Variants in CNTN4 observed in about 807,000 individuals in gnomAD.
CNTN4 encodes the protein contactin 4.
In CNTN4, 77 loss-of-function variants were observed where a neutral mutation model predicts 122.5. That is an observed-to-expected ratio of 0.63 (90% CI 0.52 to 0.76). The LOEUF is 0.76. Among genes scored for constraint, CNTN4 ranks in the 30% least tolerant of loss-of-function variants. The pLI, the probability that CNTN4 is intolerant of heterozygous loss-of-function variation, is 0.00. For missense variants in CNTN4, 1,256 were observed against 1,259.1 expected, an observed-to-expected ratio of 1.00 and a Z score of 0.04; for synonymous variants, 512 against 447.0, an observed-to-expected ratio of 1.15 and a Z score of -1.83.
At chr3:3,054,202 A>G (rs1266563218) in intron 24 of CNTN4, among the ~76,000 whole-genome samples, 1 of 152,192 alleles carries the variant, frequency 6.6e-6, no homozygotes, top group Non-Finnish European at 1.5e-5. Flanking sequence ...AATCAGATTA[A>G]AGCAGACCCG....
rs2046811017 is a variant in CNTN4 at position 2,400,430 on chromosome 3, T to TATATATATATATATATATATATAC, written c.-89+61217_-89+61218insATACATATATATATATATATATAT. 3.1e-4 allele frequency among the ~76,000 whole-genome samples: 21 copies of TATATATATATATATATATATATAC among 68,550 alleles called. No homozygotes were observed. The South Asian group carries it at 8.1e-3, about 26-fold the overall frequency. 45.0% of individuals were successfully genotyped at this position (68,550 alleles called of 152,430 possible). Reference sequence around the variant, plus strand: ...ATATATATATATATATATATATACATATATATATATATATATATATCTCTT... The same window carrying TATATATATATATATATATATATAC: ...ATATATATATATATATATATATACATATATATATATATATATATATATACATATATATATATATATATATCTCTT... On this transcript the variant is annotated intron_variant, in intron 3 of 24. Transcript: ENST00000418658.
chr3:2,506,184 G>C (rs1179556132), intron 3 of CNTN4, among the ~76,000 whole-genome samples: 1 of 152,126 alleles, frequency 6.6e-6, no homozygotes, highest in East Asian at 1.9e-4. Flanking sequence ...AAGGTTAGCT[G>C]TGACTCCTGT....
chr3:2,965,614 G>T (rs1340298170), intron 13 of CNTN4, among the ~76,000 whole-genome samples: 1 of 152,160 alleles, frequency 6.6e-6, no homozygotes. Context: ...TATCTAAATT[G>T]ATTTTCCTCA....
At chr3:2,613,485 G>T (rs2081584535) in intron 4 of CNTN4, among the ~76,000 whole-genome samples, 1 of 152,022 alleles carries the variant, frequency 6.6e-6, no homozygotes, top group African/African-American at 2.4e-5. Flanking sequence ...GGTAGGTGCT[G>T]CAACATATTT....
intron 2 of CNTN4, among the ~76,000 whole-genome samples, chr3:2,189,936 C>T (rs902784816): frequency 1.3e-5 from 2 of 152,148 alleles, no homozygotes; most frequent in Non-Finnish European, 2.9e-5. Context: ...CATTGCTCCT[C>T]AAATCAGTTG....
intron 13 of CNTN4, among the ~76,000 whole-genome samples, chr3:2,951,420 A>C (rs2094742920): frequency 6.6e-6 from 1 of 152,204 alleles, no homozygotes; most frequent in Non-Finnish European, 1.5e-5. Context: ...ATCTGACAGA[A>C]GGCGGAGCAC....
intron 4 of CNTN4, among the ~76,000 whole-genome samples, chr3:2,730,303 T>C (rs907496618): frequency 1.3e-5 from 2 of 152,220 alleles, no homozygotes; most frequent in South Asian, 2.1e-4. Context: ...AAGTTTATAC[T>C]TTGAATCATC....
intron 4 of CNTN4, among the ~76,000 whole-genome samples, chr3:2,700,738 A>G (rs1009210163): frequency 5.3e-5 from 8 of 152,170 alleles, no homozygotes; most frequent in Non-Finnish European, 1.2e-4. Flanking sequence ...TCCCTACAGT[A>G]TAGGATATTC....
chr3:2,510,597 A>G (rs1209502519), intron 3 of CNTN4, among the ~76,000 whole-genome samples: 1 of 152,174 alleles, frequency 6.6e-6, no homozygotes, highest in African/African-American at 2.4e-5. Context: ...GGAATGTTTT[A>G]TATCCATAAC....
intron 3 of CNTN4, among the ~76,000 whole-genome samples, chr3:2,402,089 T>A (rs1469659108): frequency 6.6e-6 from 1 of 152,122 alleles, no homozygotes; most frequent in African/African-American, 2.4e-5. Context: ...ACGGGTTGGT[T>A]TGACAAACTG....
chr3:2,360,296 TAAAA>T (rs917185965), intron 3 of CNTN4, among the ~76,000 whole-genome samples: 1 of 151,326 alleles, frequency 6.6e-6, no homozygotes, highest in Admixed American at 6.6e-5. Flanking sequence ...TTTTTAGCAG[TAAAA>T]AAAAATATTT....
chr3:2,396,000 C>T (rs980747907), intron 3 of CNTN4, among the ~76,000 whole-genome samples: 31 of 151,754 alleles, frequency 2.0e-4, no homozygotes, highest in African/African-American at 6.8e-4. Context: ...CCATATAACA[C>T]ATGCATGGGA....
intron 7 of CNTN4, among the ~76,000 whole-genome samples, chr3:2,836,812 T>C (rs2093236289): frequency 6.6e-6 from 1 of 151,754 alleles, no homozygotes; most frequent in Admixed American, 6.6e-5. Flanking sequence ...AAATACGTAA[T>C]GTAGATGATG....
chr3:2,271,030 C>G (rs577267702), intron 2 of CNTN4, among the ~76,000 whole-genome samples: 159 of 152,184 alleles, frequency 1.0e-3, no homozygotes, highest in Non-Finnish European at 1.9e-3. Flanking sequence ...AACTTAGGGA[C>G]CTCTCTGCTT....
At chr3:2,624,241 G>T (rs2082096967) in intron 4 of CNTN4, among the ~76,000 whole-genome samples, 1 of 152,058 alleles carries the variant, frequency 6.6e-6, no homozygotes, top group South Asian at 2.1e-4. Flanking sequence ...AGCATTCATA[G>T]GTTTCACCAG....
At chr3:2,677,482 A>ATCTATCTATC (rs1414164953) in intron 4 of CNTN4, among the ~76,000 whole-genome samples, 1 of 120,940 alleles carries the variant, frequency 8.3e-6, no homozygotes, top group East Asian at 2.7e-4. Flanking sequence ...CTATCCATCT[A>ATCTATCTATC]TATCTATCTA....
chr3:2,497,859 G>T (rs1302046108), intron 3 of CNTN4, among the ~76,000 whole-genome samples: 1 of 151,868 alleles, frequency 6.6e-6, no homozygotes, highest in Non-Finnish European at 1.5e-5. Context: ...TGTCATGTTT[G>T]TCTAGCTCTT....
chr3:2,129,688 T>A (rs1036184030), intron 2 of CNTN4, among the ~76,000 whole-genome samples: 6 of 151,608 alleles, frequency 4.0e-5, no homozygotes, highest in African/African-American at 1.4e-4. Flanking sequence ...TTCTAACAAT[T>A]TTTTTTTGCA....
At chr3:2,564,691 T>C (rs537088182) in intron 3 of CNTN4, among the ~76,000 whole-genome samples, 2 of 152,194 alleles carry the variant, frequency 1.3e-5, no homozygotes, top group South Asian at 4.2e-4. Context: ...TTTTGAAATA[T>C]CACTGTGATT....
Sources: allele counts gnomAD v4.1 joint callset (sites outside exome capture counted in the v4.1 genomes callset), GRCh38; gene constraint gnomAD v4.1.1; transcripts MANE v1.5; gene names NCBI Gene and HGNC (gene_info 2026-07-23, HGNC 2026-07-21).